The following ENPP6 variants were observed in gnomAD, a reference collection of about 807,000 sequenced individuals.
The protein encoded by ENPP6 is ectonucleotide pyrophosphatase/phosphodiesterase 6.
Under a neutral mutation model 42.0 loss-of-function variants are expected in ENPP6, and 32 were observed. That is an observed-to-expected ratio of 0.76 (90% confidence interval 0.58 to 1.02). The LOEUF (loss-of-function observed/expected upper bound fraction) is 1.02. ENPP6 is among the 50% of genes least tolerant of loss of function. ENPP6 has a pLI of 0.00. For synonymous variants in ENPP6, 213 were observed against 216.0 expected, an observed-to-expected ratio of 0.99 and a Z score of 0.12; for missense variants, 552 against 566.8, an observed-to-expected ratio of 0.97 and a Z score of 0.27.
chr4:184,203,859 A>T (rs547942218), intron 1 of ENPP6: 8 of 152,252 alleles, frequency 5.3e-5, no homozygotes, highest in African/African-American at 1.9e-4. Context: ...GTGTAAAAAA[A>T]CCCTGCATTT....
intron 1 of ENPP6, among the ~76,000 whole-genome samples, chr4:184,181,279 A>G (rs1422314187): frequency 6.6e-6 from 1 of 152,204 alleles, no homozygotes. Context: ...AAGAGAATGA[A>G]ATACTTAGGA....
At chr4:184,109,918 G>A (rs927290083) in intron 6 of ENPP6, among the ~76,000 whole-genome samples, 6 of 152,128 alleles carry the variant, frequency 3.9e-5, no homozygotes, top group Admixed American at 1.3e-4. Context: ...CATGGTCAAC[G>A]CTGATTTGTC....
At chr4:184,170,167 C>T (rs7680791) in intron 1 of ENPP6, among the ~76,000 whole-genome samples, 73,822 of 152,156 alleles carry the variant, frequency 0.49, 19,238 homozygotes, top group Non-Finnish European at 0.58. Context: ...AGGTGGCTCA[C>T]GCCTGTAATC....
chr4:184,123,346 G>T (rs559492105), intron 3 of ENPP6, among the ~76,000 whole-genome samples: 54 of 152,200 alleles, frequency 3.5e-4, no homozygotes, highest in Non-Finnish European at 5.7e-4. Flanking sequence ...TTGAAACCAG[G>T]CTCCTTTTCT....
chr4:184,094,745 G>C (rs1027633004), intron 7 of ENPP6, among the ~76,000 whole-genome samples: 1 of 152,274 alleles, frequency 6.6e-6, no homozygotes, highest in African/African-American at 2.4e-5. Context: ...AGTGGGGCTT[G>C]CTAGCTCGCA....
At chr4:184,168,571 G>T (rs951356991) in intron 1 of ENPP6, among the ~76,000 whole-genome samples, 1 of 152,238 alleles carries the variant, frequency 6.6e-6, no homozygotes, top group African/African-American at 2.4e-5. Context: ...AGCCCTCTGA[G>T]CCTGGCCACG....
At chr4:184,211,161 C>T (rs1397070739) in intron 1 of ENPP6, among the ~76,000 whole-genome samples, 3 of 151,056 alleles carry the variant, frequency 2.0e-5, no homozygotes, top group Non-Finnish European at 3.0e-5. Flanking sequence ...GACACCCTAA[C>T]ATCACAATTA....
rs74865283 is a variant in ENPP6 at position 184,117,822 on chromosome 4, C to T, written c.612G>A (p.Pro204=). Residue 204 remains proline (P), a synonymous_variant, in exon 4 of 8, where the codon CCG becomes CCA. Coordinates refer to ENST00000296741, the MANE Select transcript of ENPP6 (RefSeq NM_153343.4). ...CAGCCTTGAGGGCATCTTTCCTCTG[C>T]GGAGATGCAGGCCCGTAGTGGTGGC... ...VEGHHYGPAS[P]QRKDALKAVD... 9.3e-4 allele frequency: 1,503 copies of T among 1,614,212 alleles called. 13 individuals are homozygous for T. In the African/African-American group the frequency reaches 0.014, roughly 15 times the overall value.
intron 1 of ENPP6, among the ~76,000 whole-genome samples, chr4:184,158,992 A>C (rs892172388): frequency 6.6e-6 from 1 of 152,204 alleles, no homozygotes; most frequent in Non-Finnish European, 1.5e-5. Flanking sequence ...TTTCCAGTAC[A>C]GTAAGAGTTT....
intron 2 of ENPP6, among the ~76,000 whole-genome samples, chr4:184,148,358 C>CT (rs1292946050): frequency 6.6e-6 from 1 of 152,178 alleles, no homozygotes; most frequent in African/African-American, 2.4e-5. Context: ...ATGGATGCTG[C>CT]TAAAAAACTA....
chr4:184,211,047 A>G (rs1255295549), intron 1 of ENPP6, among the ~76,000 whole-genome samples: 7 of 150,890 alleles, frequency 4.6e-5, no homozygotes, highest in South Asian at 4.3e-4. Context: ...AACGAGAACA[A>G]AGACACAACA....
chr4:184,150,827 A>G (rs1224314826), intron 2 of ENPP6, among the ~76,000 whole-genome samples: 1 of 152,258 alleles, frequency 6.6e-6, no homozygotes, highest in Non-Finnish European at 1.5e-5. Flanking sequence ...CTAGGAGGCT[A>G]TCTTTATAGC....
At chr4:184,103,259 C>T (rs997010490) in intron 6 of ENPP6, among the ~76,000 whole-genome samples, 2 of 152,228 alleles carry the variant, frequency 1.3e-5, no homozygotes, top group African/African-American at 4.8e-5. Context: ...CTTTCAACTA[C>T]TGAAAGTATA....
At chr4:184,167,195 A>C (rs946056332) in intron 1 of ENPP6, among the ~76,000 whole-genome samples, 18 of 152,152 alleles carry the variant, frequency 1.2e-4, no homozygotes, top group African/African-American at 4.3e-4. Flanking sequence ...GGCTCACTGC[A>C]ACCTCCTTCT....
intron 1 of ENPP6, among the ~76,000 whole-genome samples, chr4:184,176,649 A>C (rs1737565960): frequency 6.6e-6 from 1 of 152,158 alleles, no homozygotes; most frequent in South Asian, 2.1e-4. Context: ...CTCCTCAGGC[A>C]CTCTCATGCT....
At chr4:184,113,965 C>CTTTCCTTCTTTCTT (rs1560982025) in intron 5 of ENPP6, among the ~76,000 whole-genome samples, 1 of 36,472 alleles carries the variant, frequency 2.7e-5, no homozygotes, top group African/African-American at 9.7e-5. Flanking sequence ...CTTTCTTTCT[C>CTTTCCTTCTTTCTT]TCTTTCTTTC....
chr4:184,151,621 T>C (rs941764114), intron 2 of ENPP6, among the ~76,000 whole-genome samples: 2 of 152,248 alleles, frequency 1.3e-5, no homozygotes, highest in Non-Finnish European at 1.5e-5. Flanking sequence ...ATAATCCTCA[T>C]GGTATTGGCC....
At chr4:184,114,935 C>T (rs1736288766) in intron 5 of ENPP6, among the ~76,000 whole-genome samples, 2 of 152,174 alleles carry the variant, frequency 1.3e-5, no homozygotes, top group Non-Finnish European at 2.9e-5. Context: ...AAAGGACTGT[C>T]CCCCTGGGGA....
chr4:184,153,431 A>G, intron 2 of ENPP6, 123 bp downstream of exon 2: 2 of 1,165,386 alleles, frequency 1.7e-6, no homozygotes, highest in Non-Finnish European at 2.4e-6. Context: ...GCCAATACAT[A>G]TTTCTTAAAT....
Sources: gnomAD v4.1 joint callset for allele counts (sites outside exome capture counted in the v4.1 genomes callset) on GRCh38, gnomAD v4.1.1 for gene constraint, MANE v1.5 for transcripts, NCBI Gene and HGNC (gene_info 2026-07-23, HGNC 2026-07-21) for gene names.